The following GABRB3 variants were observed in gnomAD, a reference collection of about 807,000 sequenced individuals.
The protein encoded by GABRB3 is gamma-aminobutyric acid type A receptor subunit beta3, also known as gamma-aminobutyric acid receptor subunit beta-3.
GABRB3 carries 14 observed loss-of-function variants against 52.1 expected under a neutral mutation model. The ratio of observed to expected loss-of-function variants is 0.27; its 90% CI spans 0.18 to 0.42. The LOEUF is 0.42. GABRB3 is among the 10% of genes least tolerant of loss of function. The pLI, the probability that GABRB3 is intolerant of heterozygous loss-of-function variation, is 1.00. For synonymous variants in GABRB3, 260 were observed against 232.3 expected (o/e 1.12, Z -1.08); for missense variants, 307 against 609.1 (o/e 0.50, Z 5.22).
intron 4 of GABRB3, among the ~76,000 whole-genome samples, chr15:26,606,452 GA>G (rs1003340695): frequency 4.0e-5 from 6 of 151,604 alleles, no homozygotes; most frequent in Admixed American, 1.3e-4. Context: ...ATTAAAAATT[GA>G]AAAAATTGAA....
At chr15:26,661,278 A>G (rs1887533070) in intron 3 of GABRB3, among the ~76,000 whole-genome samples, 1 of 152,100 alleles carries the variant, frequency 6.6e-6, no homozygotes, top group African/African-American at 2.4e-5. Context: ...ATACATGCAC[A>G]TGCCTACACA....
At chr15:26,691,373 T>A (rs1888583203) in intron 3 of GABRB3, among the ~76,000 whole-genome samples, 1 of 151,982 alleles carries the variant, frequency 6.6e-6, no homozygotes, top group South Asian at 2.1e-4. Flanking sequence ...CAATAGAAAG[T>A]AAAAAGGATT....
At chr15:26,642,474 T>C (rs1405589897) in intron 3 of GABRB3, 1 of 1,288,712 alleles carries the variant, frequency 7.8e-7, no homozygotes, top group Non-Finnish European at 1.0e-6. Context: ...AATGAATCTA[T>C]AAGCCACGTT....
intron 3 of GABRB3, among the ~76,000 whole-genome samples, chr15:26,662,614 A>G (rs1289309932): frequency 6.6e-6 from 1 of 152,184 alleles, no homozygotes; most frequent in Non-Finnish European, 1.5e-5. Context: ...TTGGCCTTAG[A>G]AAAAAGGTGC....
chr15:26,628,313 T>C (rs1251537360), intron 3 of GABRB3, among the ~76,000 whole-genome samples: 1 of 152,244 alleles, frequency 6.6e-6, no homozygotes, highest in African/African-American at 2.4e-5. Flanking sequence ...CAAATGTTTA[T>C]TGAGTGCTTA....
chr15:26,668,575 A>T (rs1198836341), intron 3 of GABRB3, among the ~76,000 whole-genome samples: 1 of 152,154 alleles, frequency 6.6e-6, no homozygotes, highest in Non-Finnish European at 1.5e-5. Context: ...TCTTGCTAAG[A>T]GCATGTAGTC....
At chr15:26,731,191 G>A (rs1889902254) in intron 3 of GABRB3, among the ~76,000 whole-genome samples, 2 of 152,102 alleles carry the variant, frequency 1.3e-5, no homozygotes, top group Admixed American at 1.3e-4. Flanking sequence ...TAGAACACCT[G>A]TGACCTATTA....
Position 26,752,967 on chromosome 15 carries a change from C to T in GABRB3, c.240+19435G>A, listed in dbSNP as rs144290482. On this transcript the variant is annotated intron_variant, in intron 3 of 8. Transcript: ENST00000311550. ...TCAAAATAGCATCACTACCAGTACA[C>T]GTGCTTGAGGTGTCTATTGTTCTTC... is the stretch of plus-strand genomic sequence containing the variant. Among the ~76,000 whole-genome samples, 263 of 152,308 alleles carry T rather than the reference C, an allele frequency of 1.7e-3. 1 individual carries two copies. Among genetic ancestry groups the T allele is most frequent in the African/African-American group, 6.1e-3 (253 of 41,564 alleles).
chr15:26,769,543 T>C (rs1891088988), intron 3 of GABRB3, among the ~76,000 whole-genome samples: 1 of 152,216 alleles, frequency 6.6e-6, no homozygotes, highest in Non-Finnish European at 1.5e-5. Context: ...TTTGTCTTGC[T>C]TTTCCAACTT....
rs60028329 is a variant in GABRB3 at position 26,608,102 on chromosome 15, C to CAAAAA, written c.461+13207_461+13211dup. ...AGTAATTAAAACAGCATGGTACTGG[C>CAAAAA]AAAAAAAAAAAAAAAGGCACATCCG... On this transcript the variant is annotated intron_variant, in intron 4 of 8. Transcript: ENST00000311550. 1.3e-3 allele frequency among the ~76,000 whole-genome samples: 159 copies of CAAAAA among 120,312 alleles called. 3 individuals carry two copies. The East Asian group carries it at 0.03, about 23-fold the overall frequency. The allele number at this position is 120,312 out of a possible 152,430, so 78.9% of individuals were successfully genotyped here. A position where few individuals can be genotyped will look rare whatever the true frequency, so the allele number is the denominator to read the frequency against.
At chr15:26,769,488 T>C (rs1157291713) in intron 3 of GABRB3, among the ~76,000 whole-genome samples, 2 of 152,186 alleles carry the variant, frequency 1.3e-5, no homozygotes, top group Non-Finnish European at 2.9e-5. Context: ...GAAATTATCA[T>C]GTGAAGCCCT....
intron 3 of GABRB3, among the ~76,000 whole-genome samples, chr15:26,633,361 C>G (rs1201673264): frequency 6.6e-6 from 1 of 152,186 alleles, no homozygotes; most frequent in Non-Finnish European, 1.5e-5. Context: ...TTCCAGTGCT[C>G]CAGGGCTCAC....
At position 26,714,985 on chromosome 15, in the gene GABRB3, G is replaced by T. The variant is rs369315438; in HGVS notation, c.240+57417C>A. 1.1e-4 allele frequency among the ~76,000 whole-genome samples: 17 copies of T among 152,178 alleles called. No homozygotes were observed. The East Asian group carries it at 1.9e-3, about 17-fold the overall frequency. ...ATAAAGCACATCCCAAAAAAGCCACGTGCAAAAAAATTACAAAGCCACATA... is the reference window on the plus strand; with the variant it reads ...ATAAAGCACATCCCAAAAAAGCCACTTGCAAAAAAATTACAAAGCCACATA... On this transcript the variant is annotated intron_variant, in intron 3 of 8. Coordinates refer to ENST00000311550, the MANE Select transcript of GABRB3 (RefSeq NM_000814.6).
chr15:26,615,996 C>A (rs1892242409), intron 4 of GABRB3: 4 of 1,289,204 alleles, frequency 3.1e-6, no homozygotes, highest in Non-Finnish European at 4.0e-6. Context: ...AACCTTCCAC[C>A]ATGGGGAATT....
intron 3 of GABRB3, among the ~76,000 whole-genome samples, chr15:26,754,427 G>A (rs1890600565): frequency 6.6e-6 from 1 of 152,100 alleles, no homozygotes; most frequent in African/African-American, 2.4e-5. Flanking sequence ...TGCTTTTCTG[G>A]GCATGCTGGA....
At chr15:26,650,859 A>G (rs1887174294) in intron 3 of GABRB3, among the ~76,000 whole-genome samples, 1 of 152,154 alleles carries the variant, frequency 6.6e-6, no homozygotes, top group Admixed American at 6.5e-5. Context: ...GACGGACTTC[A>G]GAGAAGAGGC....
chr15:26,702,227 A>ACACTT (rs147942527), intron 3 of GABRB3, among the ~76,000 whole-genome samples: 3,490 of 152,354 alleles, frequency 0.023, 135 homozygotes, highest in African/African-American at 0.08. Context: ...TTTGTAAAAA[A>ACACTT]CACTACACTG....
intron 3 of GABRB3, chr15:26,625,508 T>G (rs977233609): frequency 4.8e-5 from 47 of 984,942 alleles, no homozygotes; most frequent in Non-Finnish European, 5.5e-5. Flanking sequence ...ATGGAGAGTC[T>G]GTCAGAGTTT....
intron 3 of GABRB3, among the ~76,000 whole-genome samples, chr15:26,742,183 C>T (rs1408700752): frequency 6.6e-6 from 1 of 152,034 alleles, no homozygotes; most frequent in Non-Finnish European, 1.5e-5. Flanking sequence ...TGACTGCCTC[C>T]CAATTACCAC....
Sources: gnomAD v4.1 joint callset for allele counts (sites outside exome capture counted in the v4.1 genomes callset) on GRCh38, gnomAD v4.1.1 for gene constraint, MANE v1.5 for transcripts, NCBI Gene and HGNC (gene_info 2026-07-23, HGNC 2026-07-21) for gene names.